Variants in LHFPL3 observed in about 807,000 individuals in gnomAD.
LHFPL3 encodes the protein LHFPL tetraspan subfamily member 3, also known as LHFPL tetraspan subfamily member 3 protein.
Under a neutral mutation model 19.3 loss-of-function variants are expected in LHFPL3, and 5 were observed. That is an observed-to-expected ratio of 0.26 (90% CI 0.14 to 0.54). The LOEUF is 0.54. Among genes scored for constraint, LHFPL3 ranks in the 20% least tolerant of loss-of-function variants. The probability of loss-of-function intolerance (pLI) is 0.94; values close to 1 mark genes in which losing one functional copy is unlikely to be tolerated. For missense variants in LHFPL3, 249 were observed against 307.4 expected (o/e 0.81, Z 1.42); for synonymous variants, 133 against 126.2 (o/e 1.05, Z -0.36).
At chr7:104,342,987 A>C (rs1789985900) in intron 1 of LHFPL3, among the ~76,000 whole-genome samples, 1 of 139,076 alleles carries the variant, frequency 7.2e-6, no homozygotes, top group East Asian at 2.1e-4. Context: ...CATATTATTA[A>C]AGAATTGACT....
intron 2 of LHFPL3, among the ~76,000 whole-genome samples, chr7:104,824,754 TTATA>T (rs1790782749): frequency 2.7e-5 from 2 of 72,842 alleles, no homozygotes; most frequent in South Asian, 1.0e-3. Flanking sequence ...TACTCATATA[TTATA>T]TATAATATAT....
chr7:104,614,591 CTCTTCTCTTCTCTT>C (rs1411840890), intron 1 of LHFPL3, among the ~76,000 whole-genome samples: 1 of 89,618 alleles, frequency 1.1e-5, no homozygotes, highest in African/African-American at 5.7e-5. Flanking sequence ...TCTCTTCTCT[CTCTTCTCTTCTCTT>C]CTCTTCTCTT....
intron 2 of LHFPL3, among the ~76,000 whole-genome samples, chr7:104,820,876 C>G (rs1584553473): frequency 6.6e-6 from 1 of 152,126 alleles, no homozygotes; most frequent in Non-Finnish European, 1.5e-5. Context: ...CAGTTAACGC[C>G]TCATCCAGTT....
chr7:104,458,984 T>G (rs888882738), intron 1 of LHFPL3, among the ~76,000 whole-genome samples: 19 of 152,176 alleles, frequency 1.2e-4, no homozygotes, highest in African/African-American at 4.3e-4. Context: ...GCACCTAAGC[T>G]TTCAGCAGCA....
chr7:104,598,471 G>T (rs745582784), intron 1 of LHFPL3, among the ~76,000 whole-genome samples: 1 of 152,192 alleles, frequency 6.6e-6, no homozygotes, highest in Non-Finnish European at 1.5e-5. Flanking sequence ...CAAAGCAGTG[G>T]CTACCAAGAG....
intron 1 of LHFPL3, among the ~76,000 whole-genome samples, chr7:104,693,497 C>T (rs190368244): frequency 6.4e-4 from 98 of 152,178 alleles, no homozygotes; most frequent in African/African-American, 2.1e-3. Flanking sequence ...ATCATGGGGG[C>T]AGTTTCCCCC....
At position 104,767,430 on chromosome 7, in the gene LHFPL3, C is replaced by T. The variant is rs142444373; in HGVS notation, c.682+30519C>T. Among the ~76,000 whole-genome samples the T allele has an allele frequency of 4.0e-3, 616 of 152,304 alleles. 26 individuals carry two copies. The highest frequency in any genetic ancestry group is 0.037 in the Admixed American group (566 of 15,300). On this transcript the variant is annotated intron_variant, in intron 2 of 2. Coordinates refer to ENST00000424859, the MANE Select transcript of LHFPL3 (RefSeq NM_199000.3). ...ACAGCCAGAGGAATCACCCCACCTC[C>T]GATATCATGTGATCCACAGAAGGCA...
At chr7:104,734,855 A>C (rs560364264) in intron 1 of LHFPL3, among the ~76,000 whole-genome samples, 6 of 151,992 alleles carry the variant, frequency 3.9e-5, no homozygotes, top group Non-Finnish European at 7.4e-5. Flanking sequence ...GGTTTTATCC[A>C]CCTTTGGTCT....
intron 1 of LHFPL3, among the ~76,000 whole-genome samples, chr7:104,611,171 A>G (rs11764816): frequency 0.29 from 43,423 of 152,170 alleles, 7,310 homozygotes; most frequent in South Asian, 0.48. Context: ...ATGATAGCAG[A>G]TAAATTTTAT....
chr7:104,333,889 G>A (rs1301561658), intron 1 of LHFPL3, among the ~76,000 whole-genome samples: 1 of 152,230 alleles, frequency 6.6e-6, no homozygotes, highest in Non-Finnish European at 1.5e-5. Flanking sequence ...ATGGAAACTG[G>A]AGTTAAAAGA....
intron 1 of LHFPL3, among the ~76,000 whole-genome samples, chr7:104,383,134 G>C (rs1243038984): frequency 2.0e-5 from 3 of 152,258 alleles, no homozygotes; most frequent in African/African-American, 7.2e-5. Flanking sequence ...CAACTCATGA[G>C]ATTTTTGTCA....
intron 1 of LHFPL3, among the ~76,000 whole-genome samples, chr7:104,414,318 G>T (rs1460946444): frequency 2.0e-5 from 3 of 152,086 alleles, no homozygotes; most frequent in Admixed American, 6.5e-5. Context: ...ATGAGAAGAG[G>T]AAATTGCAGC....
At chr7:104,854,058 T>C in intron 2 of LHFPL3, among the ~76,000 whole-genome samples, 1 of 152,184 alleles carries the variant, frequency 6.6e-6, no homozygotes. Flanking sequence ...TGAACCCCTG[T>C]AATAAAAGAC....
At chr7:104,424,579 C>T (rs1433582084) in intron 1 of LHFPL3, among the ~76,000 whole-genome samples, 1 of 152,154 alleles carries the variant, frequency 6.6e-6, no homozygotes, top group East Asian at 1.9e-4. Context: ...GTCAACCAAC[C>T]AGGTCTGGAG....
chr7:104,864,081 T>A (rs922350256), intron 2 of LHFPL3, among the ~76,000 whole-genome samples: 6 of 152,250 alleles, frequency 3.9e-5, no homozygotes, highest in Non-Finnish European at 8.8e-5. Flanking sequence ...TTTGGTTGAT[T>A]GTAAACTTCA....
intron 1 of LHFPL3, among the ~76,000 whole-genome samples, chr7:104,642,194 C>G (rs1232916085): frequency 6.6e-6 from 1 of 151,926 alleles, no homozygotes; most frequent in Non-Finnish European, 1.5e-5. Context: ...TGTGCCACCA[C>G]ACCCAACTAA....
chr7:104,696,965 C>G (rs1277481293), intron 1 of LHFPL3, among the ~76,000 whole-genome samples: 1 of 152,126 alleles, frequency 6.6e-6, no homozygotes, highest in African/African-American at 2.4e-5. Context: ...TTGGGAAGTT[C>G]AAGATCAAGA....
chr7:104,603,299 A>T (rs1054134366), intron 1 of LHFPL3, among the ~76,000 whole-genome samples: 1 of 151,794 alleles, frequency 6.6e-6, no homozygotes, highest in African/African-American at 2.4e-5. Flanking sequence ...AGGCCCAAGC[A>T]GTCCTCCCAC....
At chr7:104,638,892 G>A (rs1469833566) in intron 1 of LHFPL3, among the ~76,000 whole-genome samples, 3 of 151,014 alleles carry the variant, frequency 2.0e-5, no homozygotes, top group African/African-American at 7.3e-5. Context: ...AGCCTCACAA[G>A]TAGCTGGGAC....
Sources: allele counts gnomAD v4.1 joint callset (sites outside exome capture counted in the v4.1 genomes callset), GRCh38; gene constraint gnomAD v4.1.1; transcripts MANE v1.5; gene names NCBI Gene and HGNC (gene_info 2026-07-23, HGNC 2026-07-21).